Variants in HLA-DQA2 observed in about 807,000 individuals in gnomAD.
HLA-DQA2 encodes HLA class II histocompatibility antigen, DQ alpha 2 chain.
Under a neutral mutation model 21.0 loss-of-function variants are expected in HLA-DQA2, and 17 were observed. That is an observed-to-expected ratio of 0.81 (90% confidence interval 0.56 to 1.22). HLA-DQA2 has a LOEUF of 1.22. Among genes scored for constraint, HLA-DQA2 ranks in the 50% most tolerant of loss-of-function variants. The pLI is 0.00. For synonymous variants in HLA-DQA2, 81 were observed against 116.5 expected (o/e 0.70, Z 1.96); for missense variants, 239 against 308.8 (o/e 0.77, Z 1.69).
chr6:32,745,959 G>A lies in HLA-DQA2; in HGVS notation c.500G>A (p.Ser167Asn), dbSNP rs932787308. The A allele has an allele frequency of 2.5e-6, 4 of 1,613,046 alleles. No homozygotes were observed. Among genetic ancestry groups the A allele is most frequent in the Non-Finnish European group, 8.5e-7 (1 of 1,180,054 alleles). ...TCTGAGACCAGCTTCCTCTCCAAGA[G>A]TGATCATTCCTTCTTCAAGATCAGT... Reference protein sequence around the residue: ...GVSETSFLSKSDHSFFKISYL... With the variant: ...GVSETSFLSKNDHSFFKISYL... The change falls in exon 3 of 5, where the codon AGT (serine) becomes AAT (asparagine). Residue 167 changes from serine to asparagine, a missense_variant. Ser to Asn is a conservative substitution (Grantham distance 46). Transcript: ENST00000374940.
chr6:32,742,342 A>T (rs5018343), intron 1 of HLA-DQA2, among the ~76,000 whole-genome samples: 106,481 of 152,010 alleles, frequency 0.7, 38,440 homozygotes, highest in South Asian at 0.89. Flanking sequence ...CCAAATTACT[A>T]GTTCTTCACC....
intron 1 of HLA-DQA2, among the ~76,000 whole-genome samples, chr6:32,744,673 T>TAAA (rs9282270): frequency 1.1e-5 from 1 of 89,066 alleles, no homozygotes; most frequent in Non-Finnish European, 2.2e-5. Context: ...TTCTTTGGTT[T>TAAA]AAAAAAAAAA....
At chr6:32,743,987 G>A (rs774500587) in intron 1 of HLA-DQA2, among the ~76,000 whole-genome samples, 1 of 150,452 alleles carries the variant, frequency 6.6e-6, no homozygotes, top group African/African-American at 2.4e-5. Flanking sequence ...ACAGACCCTT[G>A]CAAAGACATG....
intron 4 of HLA-DQA2, 46 bp downstream of exon 4, chr6:32,746,460 G>A (rs1763607041): frequency 1.6e-5 from 26 of 1,606,040 alleles, no homozygotes; most frequent in Middle Eastern, 1.7e-4. Flanking sequence ...ATGAGAGGGA[G>A]GAAAGTGGGA....
intron 1 of HLA-DQA2, among the ~76,000 whole-genome samples, chr6:32,741,965 A>T (rs575053059): frequency 1.3e-5 from 2 of 152,196 alleles, no homozygotes; most frequent in Non-Finnish European, 2.9e-5. Context: ...CACTCTATAG[A>T]TATAAAGAAA....
At chr6:32,742,438 T>C (rs1201432613) in intron 1 of HLA-DQA2, among the ~76,000 whole-genome samples, 2 of 152,224 alleles carry the variant, frequency 1.3e-5, no homozygotes, top group East Asian at 3.8e-4. Context: ...TTGTCGTCCA[T>C]CTCTTCCCAC....
intron 2 of HLA-DQA2, 114 bp downstream of exon 2, chr6:32,745,521 T>C: frequency 8.7e-7 from 1 of 1,144,216 alleles, no homozygotes; most frequent in Non-Finnish European, 1.3e-6. Context: ...TGAAATTTTA[T>C]CATCTCCCAT....
intron 1 of HLA-DQA2, among the ~76,000 whole-genome samples, chr6:32,743,694 G>T (rs1177893085): frequency 6.6e-6 from 1 of 152,208 alleles, no homozygotes; most frequent in African/African-American, 2.4e-5. Flanking sequence ...TTTGAACAAG[G>T]AGTCAAAGTT....
rs145628230 is a variant in HLA-DQA2 at position 32,745,906 on chromosome 6, C to A, written c.447C>A (p.Ser149Arg). The A allele has an allele frequency of 6.2e-6, 10 of 1,613,162 alleles. No individual in the cohort carries two copies. The highest frequency in any genetic ancestry group is 1.7e-4 in the Middle Eastern group (1 of 6,058). Residue 149 changes from serine to arginine, a missense_variant, in exon 3 of 5, where the codon AGC becomes AGA. Ser to Arg is a moderately radical substitution (Grantham distance 110). Coordinates refer to ENST00000374940, the MANE Select transcript of HLA-DQA2 (RefSeq NM_020056.5). ...CTGTGGTCAACATCACCTGGCTGAG[C>A]AATGGGCACTCAGTCACAGAAGGTG... Reference protein sequence around the residue: ...FPPVVNITWLSNGHSVTEGVS... With the variant: ...FPPVVNITWLRNGHSVTEGVS...
In HLA-DQA2 at chr6:32,746,807, G is replaced by A; in HGVS notation, c.*246G>A. The A allele has an allele frequency of 2.5e-6, 1 of 393,184 alleles. No individual in the cohort carries two copies. The highest frequency in any genetic ancestry group is 2.0e-5 in the South Asian group (1 of 49,270). The allele number at this position is 393,184 out of a possible 1,614,324, so 24.4% of individuals were successfully genotyped here. A position where few individuals can be genotyped will look rare whatever the true frequency, so the allele number is the denominator to read the frequency against. On this transcript the variant is annotated 3_prime_UTR_variant, in exon 5 of 5. Transcript: ENST00000374940. ...TTTTCTCAAATGTTACCTACTAAGG[G>A]ATGCCTGGGTAAGCCACTCAGCTAC...
Position 32,745,280 on chromosome 6 carries a change from C to A in HLA-DQA2, c.204C>A (p.Val68=), listed in dbSNP as rs781146958. 3 of 1,613,942 alleles carry A rather than the reference C, an allele frequency of 1.9e-6. No homozygotes were observed. Among genetic ancestry groups the A allele is most frequent in the Non-Finnish European group, 2.5e-6 (3 of 1,179,962 alleles). Residue 68 remains valine (V), a synonymous_variant, in exon 2 of 5, where the codon GTC becomes GTA. Coordinates refer to ENST00000374940, the MANE Select transcript of HLA-DQA2 (RefSeq NM_020056.5). ...TGGACCTGGAGACGAAAGAGACTGT[C>A]TGGCAGTTGCCTATGTTTAGCAAAT... ...FYVDLETKET[V]WQLPMFSKFI...
At chr6:32,743,878 G>C (rs2213567) in intron 1 of HLA-DQA2, among the ~76,000 whole-genome samples, 83,849 of 151,522 alleles carry the variant, frequency 0.55, 23,699 homozygotes, top group East Asian at 0.71. Context: ...ATGTTGAGAG[G>C]ACTTAGCTGC....
At chr6:32,742,352 C>T (rs1042891538) in intron 1 of HLA-DQA2, among the ~76,000 whole-genome samples, 2 of 144,398 alleles carry the variant, frequency 1.4e-5, no homozygotes, top group Non-Finnish European at 1.5e-5. Flanking sequence ...AGTTCTTCAC[C>T]TTATCTAATG....
intron 3 of HLA-DQA2, 25 bp from the exon 4 acceptor site, chr6:32,746,215 G>A: frequency 6.2e-7 from 1 of 1,611,816 alleles, no homozygotes; most frequent in Non-Finnish European, 8.5e-7. Context: ...TGCACATTCT[G>A]ACCTCAACAG....
chr6:32,745,207 C>T lies in HLA-DQA2; in HGVS notation c.131C>T (p.Pro44Leu). 4 of 1,614,038 alleles carry T rather than the reference C, an allele frequency of 2.5e-6. No individual in the cohort carries two copies. The highest frequency in any genetic ancestry group is 3.4e-6 in the Non-Finnish European group (4 of 1,179,950). Residue 44 changes from proline (P) to leucine (L), a missense_variant, in exon 2 of 5, where the codon CCC (proline) becomes CTC (leucine). By Grantham distance (98) the Pro-to-Leu change is moderately conservative (BLOSUM62 -3). Transcript: ENST00000374940. ...GTGAACTTCTACCAGTCTCACGGTC[C>T]CTCTGGCCAGTACACCCATGAATTT... ...YGVNFYQSHG[P>L]SGQYTHEFDG...
intron 1 of HLA-DQA2, among the ~76,000 whole-genome samples, chr6:32,744,426 G>GGA (rs1554203652): frequency 2.2e-5 from 2 of 89,106 alleles, no homozygotes; most frequent in East Asian, 1.5e-3. Flanking sequence ...CTCCTTCAGA[G>GGA]GAAAAAAAAA....
chr6:32,741,664 T>C (rs1056910773), intron 1 of HLA-DQA2, 139 bp downstream of exon 1: 32 of 792,360 alleles, frequency 4.0e-5, no homozygotes, highest in Non-Finnish European at 6.8e-5. Context: ...ATTATGGCAG[T>C]TCCTCCTTTA....
rs146579631 is a variant in HLA-DQA2, at chr6:32,745,981, C to T, written c.522C>T (p.Ile174=). 3 of 1,613,006 alleles carry T rather than the reference C, an allele frequency of 1.9e-6. No homozygotes were observed. Among genetic ancestry groups the T allele is most frequent in the East Asian group, 2.2e-5 (1 of 44,904 alleles). The change falls in exon 3 of 5, where the codon ATC becomes ATT. Residue 174 remains isoleucine, a synonymous_variant. Transcript: ENST00000374940. ...LSKSDHSFFK[I]SYLTFLPSAD... ...AGAGTGATCATTCCTTCTTCAAGATCAGTTACCTCACCTTCCTCCCTTCTG... is the reference window on the plus strand; with the variant it reads ...AGAGTGATCATTCCTTCTTCAAGATTAGTTACCTCACCTTCCTCCCTTCTG...
rs1763641683 is a variant in HLA-DQA2 at position 32,746,895 on chromosome 6, T to C, written c.*334T>C. The C allele has an allele frequency of 3.5e-6, 1 of 286,872 alleles. No individual in the cohort carries two copies. Among genetic ancestry groups the C allele is most frequent in the Non-Finnish European group, 6.9e-6 (1 of 144,842 alleles). 17.8% of individuals were successfully genotyped at this position (286,872 alleles called of 1,614,324 possible). A position where few individuals can be genotyped will look rare whatever the true frequency, so the allele number is the denominator to read the frequency against. On this transcript the variant is annotated 3_prime_UTR_variant, in exon 5 of 5. Transcript: ENST00000374940. ...AAGCAATAAATTCCCTTTTGATGCC[T>C]CTATTGAATTTTTCCCATCTTTCAT... is the stretch of plus-strand genomic sequence containing the variant.
Sources: gnomAD v4.1 joint callset for allele counts (sites outside exome capture counted in the v4.1 genomes callset) on GRCh38, gnomAD v4.1.1 for gene constraint, MANE v1.5 for transcripts, NCBI Gene and HGNC (gene_info 2026-07-23, HGNC 2026-07-21) for gene names.